HSD17B7: variants seen among roughly 807,000 people sequenced by gnomAD.
HSD17B7 encodes the protein hydroxysteroid 17-beta dehydrogenase 7.
In HSD17B7, 17 loss-of-function variants were observed where a neutral mutation model predicts 34.1. That is an observed-to-expected ratio of 0.50 (90% confidence interval 0.34 to 0.75). The LOEUF (loss-of-function observed/expected upper bound fraction) is 0.75. Ranked by LOEUF, HSD17B7 falls within the 30% of genes least tolerant of loss-of-function variation. The pLI, the probability that HSD17B7 is intolerant of heterozygous loss-of-function variation, is 0.01. For synonymous variants in HSD17B7, 122 were observed against 154.6 expected, an observed-to-expected ratio of 0.79 and a Z score of 1.56; for missense variants, 296 against 406.6, an observed-to-expected ratio of 0.73 and a Z score of 2.34.
intron 2 of HSD17B7, among the ~76,000 whole-genome samples, chr1:162,796,019 T>C (rs1265980801): frequency 1.2e-5 from 1 of 83,892 alleles, no homozygotes; most frequent in Non-Finnish European, 4.1e-5. Context: ...CGAACTTTCA[T>C]CATTTTAGGA....
intron 8 of HSD17B7, among the ~76,000 whole-genome samples, chr1:162,807,786 C>T (rs1649034605): frequency 6.6e-6 from 1 of 152,130 alleles, no homozygotes; most frequent in Non-Finnish European, 1.5e-5. Context: ...TGAGAAGTGT[C>T]TGTTCATATC....
chr1:162,807,287 T>TA (rs1444272010), intron 8 of HSD17B7, among the ~76,000 whole-genome samples: 1 of 152,228 alleles, frequency 6.6e-6, no homozygotes, highest in African/African-American at 2.4e-5. Flanking sequence ...TCCATGTCCC[T>TA]ACAAAGGATA....
Position 162,804,327 on chromosome 1 carries a change from TG to T in HSD17B7, c.804+5del. 2 of 1,568,158 alleles carry T rather than the reference TG, an allele frequency of 1.3e-6. No homozygotes were observed. Among genetic ancestry groups the T allele is most frequent in the South Asian group, 2.3e-5 (2 of 87,202 alleles). ...ATATAATGGAACAGAAGCTCTGGTA[TG>T]TTACTGAAGTTTTTATAACTTGTAT... On this transcript the variant is annotated splice_donor_5th_base_variant and intron_variant, in intron 7 of 8. Transcript: ENST00000254521.
chr1:162,795,017 A>AT (rs1648553782), intron 2 of HSD17B7, among the ~76,000 whole-genome samples: 1 of 152,222 alleles, frequency 6.6e-6, no homozygotes, highest in African/African-American at 2.4e-5. Context: ...GTTTTGAGGT[A>AT]TTTAGTCCGC....
intron 5 of HSD17B7, 159 bp downstream of exon 5, chr1:162,800,096 G>C: frequency 1.4e-6 from 1 of 723,862 alleles, no homozygotes; most frequent in Non-Finnish European, 2.5e-6. Flanking sequence ...ATTGGCTCCT[G>C]ACATTATAGT....
chr1:162,795,122 T>C (rs1414524957), intron 2 of HSD17B7, among the ~76,000 whole-genome samples: 1 of 152,148 alleles, frequency 6.6e-6, no homozygotes, highest in Non-Finnish European at 1.5e-5. Flanking sequence ...TATGAAAGTG[T>C]CCAGATAGAT....
intron 5 of HSD17B7, among the ~76,000 whole-genome samples, chr1:162,801,346 T>G (rs567058694): frequency 1.3e-5 from 2 of 152,308 alleles, no homozygotes; most frequent in South Asian, 2.1e-4. Context: ...TTTGTAACCC[T>G]AGGCATATTA....
rs776776506 is a variant in HSD17B7, at chr1:162,796,692, A to G, written c.332+15A>G. 5.7e-6 allele frequency: 8 copies of G among 1,412,770 alleles called. No homozygotes were observed. In the East Asian group the frequency reaches 1.8e-4, roughly 32 times the overall value. The allele number at this position is 1,412,770 out of a possible 1,614,324, so 87.5% of individuals were successfully genotyped here. The stretch of plus-strand genomic sequence containing the variant: ...CTCTTTTCAAGGTAATTTTCGTTTT[A>G]TGGATGAACTGATTGGAAGGAATGT... On this transcript the variant is annotated intron_variant, in intron 3 of 8. Transcript: ENST00000254521.
At chr1:162,794,905 C>T (rs1208602260) in intron 2 of HSD17B7, among the ~76,000 whole-genome samples, 9 of 152,140 alleles carry the variant, frequency 5.9e-5, no homozygotes, top group Admixed American at 5.9e-4. Flanking sequence ...AGATATTTAG[C>T]AACTTAGCAC....
chr1:162,801,405 A>G (rs1648810100), intron 5 of HSD17B7, among the ~76,000 whole-genome samples: 1 of 152,196 alleles, frequency 6.6e-6, no homozygotes, highest in African/African-American at 2.4e-5. Context: ...TAGGGATAGT[A>G]ATAGTGCCTG....
chr1:162,800,342 A>C (rs574136519), intron 5 of HSD17B7: 23 of 448,768 alleles, frequency 5.1e-5, no homozygotes, highest in African/African-American at 4.0e-4. Context: ...TGGTCACACA[A>C]CTTGTAAATG....
rs1379396512 is a variant in HSD17B7 at position 162,796,570 on chromosome 1, G to A, written c.240-15G>A. The A allele has an allele frequency of 6.6e-7, 1 of 1,517,488 alleles. No homozygotes were observed. The highest frequency in any genetic ancestry group is 9.2e-7 in the Non-Finnish European group (1 of 1,092,450). The allele number at this position is 1,517,488 out of a possible 1,614,324, so 94.0% of individuals were successfully genotyped here. On this transcript the variant is annotated splice_polypyrimidine_tract_variant and intron_variant, in intron 2 of 8. Coordinates refer to ENST00000254521, the MANE Select transcript of HSD17B7 (RefSeq NM_016371.4). ...TACTTGCAACTCACAATCTTGTTTG[G>A]TGGTTTACTTGCAGGTTTCAGAGAT...
intron 8 of HSD17B7, among the ~76,000 whole-genome samples, chr1:162,811,930 G>A (rs182005806): frequency 1.1e-4 from 16 of 152,366 alleles, no homozygotes; most frequent in African/African-American, 3.8e-4. Flanking sequence ...TACTAAGCCA[G>A]ATTGATATTA....
intron 8 of HSD17B7, among the ~76,000 whole-genome samples, chr1:162,808,144 A>T (rs1649051295): frequency 6.6e-6 from 1 of 152,178 alleles, no homozygotes; most frequent in Non-Finnish European, 1.5e-5. Context: ...TAATTTTTGT[A>T]TAAGGTGTAA....
At chr1:162,812,206 T>G in intron 8 of HSD17B7, 92 bp from the exon 9 acceptor site, 1 of 1,454,380 alleles carries the variant, frequency 6.9e-7, no homozygotes, top group Non-Finnish European at 9.1e-7. Context: ...CTCCTTTCTT[T>G]TTATTTCATA....
At chr1:162,805,819 C>A (rs868418697) in intron 8 of HSD17B7, among the ~76,000 whole-genome samples, 1 of 152,198 alleles carries the variant, frequency 6.6e-6, no homozygotes, top group Non-Finnish European at 1.5e-5. Context: ...TGTTGCAGAT[C>A]ATGCTTGTTC....
intron 2 of HSD17B7, 61 bp from the exon 3 acceptor site, chr1:162,796,524 A>C: frequency 9.7e-7 from 1 of 1,030,626 alleles, no homozygotes; most frequent in South Asian, 1.3e-5. Flanking sequence ...GATAGAATAC[A>C]CAATCTTGTC....
chr1:162,809,566 G>A (rs1442528656), intron 8 of HSD17B7, among the ~76,000 whole-genome samples: 2 of 151,838 alleles, frequency 1.3e-5, no homozygotes, highest in Non-Finnish European at 2.9e-5. Context: ...TGTACCTCTG[G>A]TAGAATTCAG....
At chr1:162,795,946 AG>A (rs1342070724) in intron 2 of HSD17B7, among the ~76,000 whole-genome samples, 4 of 152,194 alleles carry the variant, frequency 2.6e-5, no homozygotes, top group African/African-American at 9.6e-5. Flanking sequence ...ACAAGTATTC[AG>A]GGGGGAGCCC....
Sources: gnomAD v4.1 joint callset for allele counts (sites outside exome capture counted in the v4.1 genomes callset) on GRCh38, gnomAD v4.1.1 for gene constraint, MANE v1.5 for transcripts, NCBI Gene and HGNC (gene_info 2026-07-23, HGNC 2026-07-21) for gene names.